The following MYO18B variants were observed in gnomAD, a reference collection of about 807,000 sequenced individuals.
MYO18B encodes myosin XVIIIB.
Under a neutral mutation model 273.0 loss-of-function variants are expected in MYO18B, and 204 were observed. The ratio of observed to expected loss-of-function variants is 0.75; its 90% confidence interval spans 0.67 to 0.84. MYO18B has a LOEUF of 0.84. Among genes scored for constraint, MYO18B ranks in the 40% least tolerant of loss-of-function variants. The pLI, the probability that MYO18B is intolerant of heterozygous loss-of-function variation, is 0.00. For missense variants in MYO18B, 3,212 were observed against 3,287.6 expected (o/e 0.98, Z 0.56); for synonymous variants, 1,330 against 1,305.7 (o/e 1.02, Z -0.40).
At chr22:25,760,434 A>AAAAC (rs59165419) in intron 1 of MYO18B, among the ~76,000 whole-genome samples, 16,156 of 110,242 alleles carry the variant, frequency 0.15, 2,427 homozygotes, top group African/African-American at 0.32. Context: ...AAAAAAAAAA[A>AAAAC]CACAAAAACA....
At chr22:26,016,870 G>A (rs1265890145) in intron 42 of MYO18B, among the ~76,000 whole-genome samples, 1 of 152,210 alleles carries the variant, frequency 6.6e-6, no homozygotes, top group East Asian at 1.9e-4. Context: ...GGCTTCCTGG[G>A]GGAAGCTACA....
intron 12 of MYO18B, among the ~76,000 whole-genome samples, chr22:25,802,361 A>G (rs751375637): frequency 5.9e-5 from 9 of 152,160 alleles, no homozygotes; most frequent in Non-Finnish European, 1.0e-4. Context: ...CCCATCCTTT[A>G]GGGGTTTCCA....
intron 38 of MYO18B, 84 bp downstream of exon 38, chr22:25,952,507 C>T: frequency 4.6e-6 from 7 of 1,525,120 alleles, no homozygotes; most frequent in Non-Finnish European, 6.2e-6. Flanking sequence ...TACTACTCAT[C>T]TATCTACTCA....
At chr22:26,025,148 G>A (rs1006708530) in intron 42 of MYO18B, among the ~76,000 whole-genome samples, 5 of 152,154 alleles carry the variant, frequency 3.3e-5, no homozygotes, top group African/African-American at 1.2e-4. Flanking sequence ...GACAAACATT[G>A]AATCTATTTC....
intron 27 of MYO18B, chr22:25,894,652 A>G (rs1210738316): frequency 6.6e-6 from 1 of 152,500 alleles, no homozygotes; most frequent in African/African-American, 2.4e-5. Flanking sequence ...GCCAATGATT[A>G]TATACTCTGT....
intron 39 of MYO18B, among the ~76,000 whole-genome samples, chr22:25,989,243 C>T (rs1208882066): frequency 6.6e-6 from 1 of 152,186 alleles, no homozygotes; most frequent in Non-Finnish European, 1.5e-5. Context: ...ATGCACATCT[C>T]AGCTTTGTGG....
the MYO18B span, among the ~76,000 whole-genome samples, chr22:26,059,920 C>T: frequency 1.3e-5 from 2 of 152,206 alleles, no homozygotes; most frequent in African/African-American, 4.8e-5. Flanking sequence ...GTCCTAAAGA[C>T]ACATGTGAGA....
chr22:25,997,621 C>G (rs979776453), intron 40 of MYO18B, among the ~76,000 whole-genome samples: 1 of 152,168 alleles, frequency 6.6e-6, no homozygotes, highest in Non-Finnish European at 1.5e-5. Context: ...GAAGTCTCAA[C>G]ACATTTCAAA....
At position 25,779,255 on chromosome 22, in the gene MYO18B, C is replaced by T. The variant is rs546800468; in HGVS notation, c.2069-801C>T. Among the ~76,000 whole-genome samples, 71 of 152,046 alleles carry T rather than the reference C, an allele frequency of 4.7e-4. 1 individual carries two copies. In the South Asian group the frequency reaches 0.015, roughly 32 times the overall value. On this transcript the variant is annotated intron_variant, in intron 8 of 43. Coordinates refer to ENST00000335473, the MANE Select transcript of MYO18B (RefSeq NM_032608.7). Reference sequence around the variant, plus strand: ...ATAATAATAACTATAATAACAGTTCCACTTTTGGAATATTTTCTAAGCATG... The same window carrying T: ...ATAATAATAACTATAATAACAGTTCTACTTTTGGAATATTTTCTAAGCATG...
intron 29 of MYO18B, chr22:25,899,868 C>T (rs1259236515): frequency 6.6e-6 from 1 of 151,910 alleles, no homozygotes; most frequent in Non-Finnish European, 1.5e-5. Context: ...AAGAATGGCT[C>T]TGACATATAC....
At chr22:25,921,114 T>A in intron 33 of MYO18B, 143 bp from the exon 34 acceptor site, 1 of 789,758 alleles carries the variant, frequency 1.3e-6, no homozygotes, top group Non-Finnish European at 1.9e-6. Flanking sequence ...AAACTGAGGC[T>A]CGGAGAGGAG....
chr22:25,835,334 AG>A lies in MYO18B; in HGVS notation c.3101del (p.Gly1034AlafsTer6). 1.2e-6 allele frequency: 2 copies of A among 1,613,978 alleles called. No individual in the cohort carries two copies. Among genetic ancestry groups the A allele is most frequent in the Non-Finnish European group, 1.7e-6 (2 of 1,179,888 alleles). ...PAGGGAQDAR[G>X]LFWVLDEEVH... ...CTGGAGGAGGTGCCCAGGATGCCAG[AG>A]GCCTTTTCTGGGTCTTAGATGAGGA... On this transcript the variant is annotated frameshift_variant, in exon 17 of 44. Coordinates refer to ENST00000335473, the MANE Select transcript of MYO18B (RefSeq NM_032608.7). LOFTEE classifies it high-confidence loss of function.
intron 17 of MYO18B, among the ~76,000 whole-genome samples, chr22:25,835,673 T>G (rs1368137088): frequency 6.6e-6 from 1 of 152,246 alleles, no homozygotes; most frequent in Non-Finnish European, 1.5e-5. Context: ...CAGCCTGGCG[T>G]GGGCCAGTCC....
intron 21 of MYO18B, among the ~76,000 whole-genome samples, chr22:25,864,212 T>A (rs977381120): frequency 2.6e-5 from 4 of 152,194 alleles, no homozygotes; most frequent in Non-Finnish European, 5.9e-5. Context: ...GTAATCAATA[T>A]TGCCACAAAC....
chr22:25,778,082 G>C (rs943443754), intron 8 of MYO18B, among the ~76,000 whole-genome samples: 7 of 152,162 alleles, frequency 4.6e-5, no homozygotes, highest in African/African-American at 9.7e-5. Context: ...CCTAATAGAC[G>C]TACACAAATC....
In MYO18B at chr22:25,889,910, C is replaced by T. The variant is rs543316445; in HGVS notation, c.4315-846C>T. Among the ~76,000 whole-genome samples the T allele has an allele frequency of 5.3e-5, 8 of 152,290 alleles. No individual in the cohort carries two copies. The South Asian group carries it at 1.5e-3, about 28-fold the overall frequency. On this transcript the variant is annotated intron_variant, in intron 25 of 43. Transcript: ENST00000335473. The stretch of plus-strand genomic sequence containing the variant: ...ATCCATTTCTTTCTTTCTTAAACCA[C>T]GCTCCTAATATACAACCGTATGATT...
At chr22:25,995,062 A>G (rs2146864322) in intron 40 of MYO18B, among the ~76,000 whole-genome samples, 1 of 152,310 alleles carries the variant, frequency 6.6e-6, no homozygotes, top group East Asian at 1.9e-4. Flanking sequence ...ATGAATGAAT[A>G]AAGAAAATGT....
At chr22:25,911,164 C>T (rs2092151080) in intron 33 of MYO18B, 114 bp downstream of exon 33, 2 of 773,354 alleles carry the variant, frequency 2.6e-6, no homozygotes, top group South Asian at 3.3e-5. Context: ...AGCTCTGTTC[C>T]CACCATATTC....
At chr22:25,997,932 A>AACAC (rs3070628) in intron 40 of MYO18B, among the ~76,000 whole-genome samples, 15,184 of 144,672 alleles carry the variant, frequency 0.1, 1,515 homozygotes, top group African/African-American at 0.27. Context: ...CCAGGAGAGA[A>AACAC]ACACACACAC....
Sources: allele counts gnomAD v4.1 joint callset (sites outside exome capture counted in the v4.1 genomes callset), GRCh38; gene constraint gnomAD v4.1.1; transcripts MANE v1.5; gene names NCBI Gene and HGNC (gene_info 2026-07-23, HGNC 2026-07-21).